Variants in SHISAL1 observed in about 807,000 individuals in gnomAD.
SHISAL1 encodes shisa like 1, also known as protein shisa-like-1.
In SHISAL1, 9 loss-of-function variants were observed where a neutral mutation model predicts 22.6. The observed-to-expected ratio is 0.40, with a 90% CI of 0.24 to 0.70. The LOEUF (loss-of-function observed/expected upper bound fraction) is 0.70. Among genes scored for constraint, SHISAL1 ranks in the 30% least tolerant of loss-of-function variants. SHISAL1 has a pLI of 0.39. For synonymous variants in SHISAL1, 119 were observed against 115.4 expected (o/e 1.03, Z -0.20); for missense variants, 246 against 270.6 (o/e 0.91, Z 0.64).
intron 2 of SHISAL1, among the ~76,000 whole-genome samples, chr22:44,300,103 A>G (rs1440274847): frequency 6.7e-6 from 1 of 150,000 alleles, no homozygotes; most frequent in African/African-American, 2.5e-5. Context: ...AGACACAGAG[A>G]GACAGACAGA....
At chr22:44,323,674 TCCATCCA>T in the SHISAL1 span, among the ~76,000 whole-genome samples, 5 of 149,690 alleles carry the variant, frequency 3.3e-5, no homozygotes, top group East Asian at 2.0e-4. Flanking sequence ...CATCCATCCA[TCCATCCA>T]TCCATCCATC....
At chr22:44,266,582 G>T in intron 4 of SHISAL1, among the ~76,000 whole-genome samples, 1 of 150,682 alleles carries the variant, frequency 6.6e-6, no homozygotes, top group Non-Finnish European at 1.5e-5. Context: ...GTGTGTATGT[G>T]TGTGTTGGAG....
At chr22:44,286,881 G>A (rs971994460) in intron 3 of SHISAL1, among the ~76,000 whole-genome samples, 2 of 152,216 alleles carry the variant, frequency 1.3e-5, no homozygotes, top group Non-Finnish European at 1.5e-5. Context: ...CTCCGGCGCC[G>A]CCTCCGTCTG....
At chr22:44,285,925 C>T (rs888700230) in intron 3 of SHISAL1, among the ~76,000 whole-genome samples, 180 bp from the exon 4 acceptor site, 14 of 152,166 alleles carry the variant, frequency 9.2e-5, no homozygotes, top group African/African-American at 3.1e-4. Context: ...TGCCTGTTCG[C>T]CTCCTTCCCT....
At chr22:44,309,724 G>A (rs1237798843) in intron 1 of SHISAL1, among the ~76,000 whole-genome samples, 3 of 152,164 alleles carry the variant, frequency 2.0e-5, no homozygotes, top group Non-Finnish European at 4.4e-5. Context: ...GTATCATCAG[G>A]GATGTTTAAC....
In SHISAL1 at chr22:44,302,339, C is replaced by CA. The variant is rs35335428; in HGVS notation, c.-32-1363dup. Among the ~76,000 whole-genome samples, 778 of 97,778 alleles carry CA rather than the reference C, an allele frequency of 8.0e-3. 16 individuals carry two copies. The highest frequency in any genetic ancestry group is 0.025 in the African/African-American group (613 of 24,042). 64.1% of individuals were successfully genotyped at this position (97,778 alleles called of 152,430 possible). On this transcript the variant is annotated intron_variant, in intron 1 of 4. Coordinates refer to ENST00000381176, the MANE Select transcript of SHISAL1 (RefSeq NM_001099294.2). ...TGGGCGACAGAGCGAGACTCCGTCT[C>CA]AAAAAAAAAAAAAAAAAAAAGGAGC... is the stretch of plus-strand genomic sequence containing the variant.
At chr22:44,329,488 C>G in the SHISAL1 span, among the ~76,000 whole-genome samples, 1 of 152,144 alleles carries the variant, frequency 6.6e-6, no homozygotes, top group Admixed American at 6.6e-5. Context: ...CCAAACTGCT[C>G]CCCTCACCCC....
In SHISAL1 at chr22:44,285,642, T is replaced by C; in HGVS notation, c.385A>G (p.Lys129Glu). Reference sequence around the variant, plus strand: ...ATGCCCCACCGTGCCAGGTAGACCTTGCAGATGTCGTAGTTCATTGCCGAG... The same window carrying C: ...ATGCCCCACCGTGCCAGGTAGACCTCGCAGATGTCGTAGTTCATTGCCGAG... ...YYSAMNYDIC[K>E]VYLARWGIQG... Residue 129 changes from lysine (K) to glutamate (E), a missense_variant, in exon 4 of 5, where the codon AAG (lysine) becomes GAG (glutamate). Around this residue, in one of 2 missense-constraint regions of SHISAL1, gnomAD observed 136 missense variants for 117.5 expected, o/e 1.16. Transcript: ENST00000381176. 6.2e-7 allele frequency: 1 copy of C among 1,614,156 alleles called. No individual in the cohort carries two copies. Among genetic ancestry groups the C allele is most frequent in the Non-Finnish European group, 8.5e-7 (1 of 1,179,996 alleles).
chr22:44,300,566 C>G (rs549416800), intron 2 of SHISAL1, among the ~76,000 whole-genome samples: 1 of 152,330 alleles, frequency 6.6e-6, no homozygotes, highest in East Asian at 1.9e-4. Flanking sequence ...CACTGCCTAA[C>G]CTTGTCTCGC....
At chr22:44,309,348 T>G (rs1040676346) in intron 1 of SHISAL1, among the ~76,000 whole-genome samples, 1 of 152,138 alleles carries the variant, frequency 6.6e-6, no homozygotes, top group African/African-American at 2.4e-5. Flanking sequence ...GATTAGTAAT[T>G]CAACAGGGCA....
chr22:44,263,079 CTTTTTTT>C (rs922017518), intron 4 of SHISAL1, among the ~76,000 whole-genome samples: 9 of 88,270 alleles, frequency 1.0e-4, no homozygotes, highest in East Asian at 3.6e-4. Flanking sequence ...TTCTTTCTTT[CTTTTTTT>C]TTTTTTTTTT....
At chr22:44,309,360 G>A (rs7290560) in intron 1 of SHISAL1, among the ~76,000 whole-genome samples, 26,030 of 152,110 alleles carry the variant, frequency 0.17, 3,261 homozygotes, top group African/African-American at 0.34. Context: ...AACAGGGCAG[G>A]GCTCTCTGGA....
chr22:44,292,187 C>T (rs574953564), intron 3 of SHISAL1, among the ~76,000 whole-genome samples: 2,742 of 152,176 alleles, frequency 0.018, 91 homozygotes, highest in African/African-American at 0.063. Context: ...AGGGCTGTGG[C>T]GGGGCGGGGG....
At chr22:44,264,773 A>AAC (rs1347669714) in intron 4 of SHISAL1, among the ~76,000 whole-genome samples, 1 of 151,206 alleles carries the variant, frequency 6.6e-6, no homozygotes, top group African/African-American at 2.4e-5. Context: ...CGAGGTCCCC[A>AAC]ACACACACAC....
chr22:44,274,652 CG>C (rs1249737374), intron 4 of SHISAL1, among the ~76,000 whole-genome samples: 1 of 152,076 alleles, frequency 6.6e-6, no homozygotes, highest in African/African-American at 2.4e-5. Flanking sequence ...TTAGAAAGGT[CG>C]GGTAAAATCG....
the SHISAL1 span, among the ~76,000 whole-genome samples, chr22:44,325,115 C>T: frequency 4.6e-5 from 7 of 152,058 alleles, no homozygotes; most frequent in South Asian, 2.1e-4. Context: ...TGGTGGTGGG[C>T]GCCTGTAATC....
the SHISAL1 span, among the ~76,000 whole-genome samples, chr22:44,321,329 C>G: frequency 6.6e-6 from 1 of 152,220 alleles, no homozygotes; most frequent in Non-Finnish European, 1.5e-5. Context: ...CCAGAAGTCT[C>G]CCAGACCCAT....
chr22:44,253,425 ATGTTTTTTTT>A (rs778234857), intron 4 of SHISAL1, among the ~76,000 whole-genome samples: 4 of 107,870 alleles, frequency 3.7e-5, no homozygotes, highest in South Asian at 3.3e-4. Flanking sequence ...GTATTAGTGC[ATGTTTTTTTT>A]TTTTTTTTTT....
chr22:44,326,879 G>A, the SHISAL1 span, among the ~76,000 whole-genome samples: 2 of 152,022 alleles, frequency 1.3e-5, no homozygotes, highest in Non-Finnish European at 2.9e-5. Context: ...TGCCTCGGTG[G>A]GCTTCAGTGT....
Sources: allele counts gnomAD v4.1 joint callset (sites outside exome capture counted in the v4.1 genomes callset), GRCh38; gene constraint gnomAD v4.1.1; regional missense constraint gnomAD v4.1.1; transcripts MANE v1.5; gene names NCBI Gene and HGNC (gene_info 2026-07-23, HGNC 2026-07-21).